Variants in ARHGAP42 observed in about 807,000 individuals in gnomAD.
ARHGAP42 encodes rho GTPase-activating protein 42.
A neutral mutation model predicts 125.0 loss-of-function variants in ARHGAP42; 63 were observed. The observed-to-expected ratio is 0.50, with a 90% CI of 0.41 to 0.62. ARHGAP42 has a LOEUF of 0.62. Among genes scored for constraint, ARHGAP42 ranks in the 20% least tolerant of loss-of-function variants. ARHGAP42 has a pLI of 0.00. For synonymous variants in ARHGAP42, 339 were observed against 351.0 expected, an observed-to-expected ratio of 0.97 and a Z score of 0.38; for missense variants, 766 against 1,024.2, an observed-to-expected ratio of 0.75 and a Z score of 3.44.
intron 1 of ARHGAP42, among the ~76,000 whole-genome samples, chr11:100,769,255 A>G (rs995959262): frequency 1.3e-5 from 2 of 152,206 alleles, no homozygotes; most frequent in Non-Finnish European, 2.9e-5. Flanking sequence ...GTGTGAGGAA[A>G]CAAAGGCCCA....
chr11:100,903,123 A>G (rs1053642550), intron 4 of ARHGAP42, among the ~76,000 whole-genome samples: 22 of 150,376 alleles, frequency 1.5e-4, no homozygotes, highest in East Asian at 1.2e-3. Flanking sequence ...ATGCGCACAC[A>G]CACACACACA....
At chr11:100,777,283 T>C (rs1863152776) in intron 2 of ARHGAP42, among the ~76,000 whole-genome samples, 1 of 152,186 alleles carries the variant, frequency 6.6e-6, no homozygotes, top group Non-Finnish European at 1.5e-5. Context: ...TATTTATTGT[T>C]TGATTACCTC....
At chr11:100,918,803 A>G (rs1281483738) in intron 5 of ARHGAP42, among the ~76,000 whole-genome samples, 1 of 152,218 alleles carries the variant, frequency 6.6e-6, no homozygotes, top group Non-Finnish European at 1.5e-5. Context: ...AACACCTATA[A>G]GTGGCAAGCA....
intron 3 of ARHGAP42, among the ~76,000 whole-genome samples, chr11:100,799,187 A>G (rs1275255643): frequency 3.3e-5 from 5 of 152,214 alleles, no homozygotes; most frequent in Non-Finnish European, 7.3e-5. Context: ...AGGTGATATT[A>G]CTTTGGTAGC....
chr11:100,946,647 G>GCA (rs1868027849), intron 10 of ARHGAP42, among the ~76,000 whole-genome samples: 1 of 151,902 alleles, frequency 6.6e-6, no homozygotes, highest in Non-Finnish European at 1.5e-5. Context: ...TGGAGCAGTG[G>GCA]CACACACAAC....
chr11:100,816,140 G>C (rs1864260619), intron 3 of ARHGAP42, among the ~76,000 whole-genome samples: 1 of 152,074 alleles, frequency 6.6e-6, no homozygotes. Flanking sequence ...TTGAGACCCT[G>C]GTTTCAATTC....
chr11:100,832,954 C>A (rs1396598867), intron 3 of ARHGAP42, among the ~76,000 whole-genome samples: 2 of 152,136 alleles, frequency 1.3e-5, no homozygotes, highest in African/African-American at 4.8e-5. Flanking sequence ...GGCAAAGAGA[C>A]CAGAAGGGAA....
At chr11:100,838,354 A>G (rs1232175349) in intron 3 of ARHGAP42, among the ~76,000 whole-genome samples, 3 of 152,146 alleles carry the variant, frequency 2.0e-5, no homozygotes, top group Non-Finnish European at 4.4e-5. Flanking sequence ...AAGACAATGT[A>G]TATAGACATT....
chr11:100,862,352 T>G (rs1865463735), intron 4 of ARHGAP42, among the ~76,000 whole-genome samples: 1 of 152,246 alleles, frequency 6.6e-6, no homozygotes, highest in Non-Finnish European at 1.5e-5. Context: ...TGAAAAATTC[T>G]TTCCCTAGTA....
intron 13 of ARHGAP42, 134 bp downstream of exon 13, chr11:100,960,079 A>G (rs1370220571): frequency 1.3e-6 from 1 of 759,778 alleles, no homozygotes; most frequent in Non-Finnish European, 2.1e-6. Context: ...ATATAAATGT[A>G]TGTATCGGTA....
chr11:100,709,563 C>T (rs1861528253), intron 1 of ARHGAP42, among the ~76,000 whole-genome samples: 1 of 151,908 alleles, frequency 6.6e-6, no homozygotes, highest in South Asian at 2.1e-4. Flanking sequence ...TATTTCAGAC[C>T]TCAGTTGACT....
At position 100,930,335 on chromosome 11, in the gene ARHGAP42, A is replaced by G. The variant is rs556881688; in HGVS notation, c.598-2821A>G. 6.9e-4 allele frequency among the ~76,000 whole-genome samples: 105 copies of G among 152,344 alleles called. 1 individual carries two copies. Among genetic ancestry groups the G allele is most frequent in the Admixed American group, 1.8e-3 (28 of 15,300 alleles). On this transcript the variant is annotated intron_variant, in intron 6 of 23. Transcript: ENST00000298815. ...TTTGTAGAGGATGAAATGAACAAGTATATGTTCAAACCGATAAAAACGTTT... is the reference window on the plus strand; with the variant it reads ...TTTGTAGAGGATGAAATGAACAAGTGTATGTTCAAACCGATAAAAACGTTT...
At chr11:100,868,477 T>C (rs1425101536) in intron 4 of ARHGAP42, among the ~76,000 whole-genome samples, 1 of 152,232 alleles carries the variant, frequency 6.6e-6, no homozygotes, top group Non-Finnish European at 1.5e-5. Flanking sequence ...ACCGTTAAAC[T>C]CATTTTATAG....
chr11:100,906,046 G>T (rs1866726627), intron 4 of ARHGAP42, among the ~76,000 whole-genome samples: 1 of 152,112 alleles, frequency 6.6e-6, no homozygotes, highest in African/African-American at 2.4e-5. Flanking sequence ...ATCTTAGCTG[G>T]TTGCTTTAAA....
intron 16 of ARHGAP42, among the ~76,000 whole-genome samples, chr11:100,963,820 A>T (rs1164868967): frequency 6.6e-6 from 1 of 152,168 alleles, no homozygotes; most frequent in Non-Finnish European, 1.5e-5. Context: ...CAGGGCTGCA[A>T]GCCTGTTTTT....
At chr11:100,940,431 T>A (rs533595549) in intron 8 of ARHGAP42, among the ~76,000 whole-genome samples, 1 of 152,072 alleles carries the variant, frequency 6.6e-6, no homozygotes, top group Non-Finnish European at 1.5e-5. Flanking sequence ...CACTATGGTG[T>A]TTGGGTGCAG....
At chr11:100,946,414 A>C (rs948575216) in intron 10 of ARHGAP42, among the ~76,000 whole-genome samples, 2 of 152,092 alleles carry the variant, frequency 1.3e-5, no homozygotes, top group Non-Finnish European at 2.9e-5. Flanking sequence ...TGATTGGCAC[A>C]AGAGACCTAG....
intron 2 of ARHGAP42, among the ~76,000 whole-genome samples, chr11:100,772,415 CTT>C (rs1936527201): frequency 6.6e-6 from 1 of 152,172 alleles, no homozygotes; most frequent in African/African-American, 2.4e-5. Context: ...TGGTCACTCT[CTT>C]TGCTTGCCTT....
chr11:100,919,329 A>G (rs1867170441), intron 5 of ARHGAP42, among the ~76,000 whole-genome samples: 1 of 152,146 alleles, frequency 6.6e-6, no homozygotes, highest in African/African-American at 2.4e-5. Flanking sequence ...AGGTGCAGTA[A>G]GCCACCTCTT....
Sources: allele counts gnomAD v4.1 joint callset (sites outside exome capture counted in the v4.1 genomes callset), GRCh38; gene constraint gnomAD v4.1.1; transcripts MANE v1.5; gene names NCBI Gene and HGNC (gene_info 2026-07-23, HGNC 2026-07-21).